The following PADI3 variants were observed in gnomAD, a reference collection of about 807,000 sequenced individuals.
PADI3 encodes protein-arginine deiminase type-3.
A neutral mutation model predicts 71.5 loss-of-function variants in PADI3; 53 were observed. The ratio of observed to expected loss-of-function variants is 0.74; its 90% CI spans 0.59 to 0.93. The LOEUF (loss-of-function observed/expected upper bound fraction) is 0.93. PADI3 is among the 40% of genes least tolerant of loss of function. PADI3 has a pLI of 0.00. For synonymous variants in PADI3, 361 were observed against 347.5 expected, an observed-to-expected ratio of 1.04 and a Z score of -0.43; for missense variants, 821 against 868.0, an observed-to-expected ratio of 0.95 and a Z score of 0.68.
chr1:17,255,949 T>G (rs1019972391), intron 1 of PADI3, among the ~76,000 whole-genome samples: 8 of 152,140 alleles, frequency 5.3e-5, no homozygotes, highest in African/African-American at 1.9e-4. Context: ...TTGCCACGGC[T>G]CCATCATGTT....
intron 14 of PADI3, 119 bp downstream of exon 14, chr1:17,280,548 C>A: frequency 6.6e-7 from 1 of 1,517,434 alleles, no homozygotes; most frequent in Non-Finnish European, 9.1e-7. Flanking sequence ...AGAACAGGCC[C>A]AGACAGAGGG....
At chr1:17,279,562 G>C (rs901125200) in intron 13 of PADI3, among the ~76,000 whole-genome samples, 3 of 152,144 alleles carry the variant, frequency 2.0e-5, no homozygotes, top group African/African-American at 7.2e-5. Context: ...TGCGAGCCCT[G>C]GGCTTGGGTT....
chr1:17,269,951 C>T (rs1195232280), intron 6 of PADI3, among the ~76,000 whole-genome samples: 3 of 152,070 alleles, frequency 2.0e-5, no homozygotes, highest in Admixed American at 6.6e-5. Context: ...AGATACCTAG[C>T]AGTGGAATTG....
At chr1:17,275,855 C>T (rs2073323196) in intron 11 of PADI3, among the ~76,000 whole-genome samples, 1 of 152,150 alleles carries the variant, frequency 6.6e-6, no homozygotes, top group South Asian at 2.1e-4. Context: ...TGGACCATGC[C>T]CTTAGATACA....
intron 1 of PADI3, among the ~76,000 whole-genome samples, chr1:17,249,444 A>G (rs528934774): frequency 2.0e-5 from 3 of 152,268 alleles, no homozygotes. Context: ...TGAGCCAGGT[A>G]GAAGAGGCTT....
At chr1:17,250,007 T>A (rs936739167) in intron 1 of PADI3, among the ~76,000 whole-genome samples, 1 of 152,258 alleles carries the variant, frequency 6.6e-6, no homozygotes, top group Non-Finnish European at 1.5e-5. Flanking sequence ...TGCCAGGTCA[T>A]GCCTTTGAGG....
intron 3 of PADI3, 74 bp from the exon 4 acceptor site, chr1:17,265,585 C>T (rs1289208677): frequency 1.7e-5 from 23 of 1,325,740 alleles, no homozygotes; most frequent in Non-Finnish European, 2.4e-5. Flanking sequence ...CAGCCCCAGA[C>T]AAGCCCTGAG....
In PADI3 at chr1:17,259,701, G is replaced by A. The variant is rs753546655; in HGVS notation, c.216G>A (p.Ala72=). 26 of 1,613,098 alleles carry A rather than the reference G, an allele frequency of 1.6e-5. No individual in the cohort carries two copies. Among genetic ancestry groups the A allele is most frequent in the Admixed American group, 6.7e-5 (4 of 59,946 alleles). Residue 72 remains alanine (A), a synonymous_variant, in exon 2 of 16, where the codon GCG becomes GCA. Transcript: ENST00000375460. ...ACACCAGGCGGTGGCGCTTTGACGC[G>A]ACTTTGGAGATCATCGTGGTCATGA... is the stretch of plus-strand genomic sequence containing the variant. ...RADTRRWRFD[A]TLEIIVVMNS...
intron 9 of PADI3, among the ~76,000 whole-genome samples, chr1:17,272,562 A>G (rs1328281061): frequency 6.6e-6 from 1 of 151,970 alleles, no homozygotes; most frequent in Non-Finnish European, 1.5e-5. Flanking sequence ...TTGGAGTGCC[A>G]TGGCATGATC....
At chr1:17,270,623 G>A (rs530306425) in intron 7 of PADI3, among the ~76,000 whole-genome samples, 1 of 152,088 alleles carries the variant, frequency 6.6e-6, no homozygotes, top group East Asian at 1.9e-4. Context: ...GCACTCCACA[G>A]CCTGGGCAAC....
chr1:17,281,736 A>G (rs1343542070), intron 15 of PADI3, among the ~76,000 whole-genome samples: 1 of 152,192 alleles, frequency 6.6e-6, no homozygotes, highest in Non-Finnish European at 1.5e-5. Flanking sequence ...TACAGGCGGA[A>G]GCCACCGTGC....
At chr1:17,264,106 C>T in intron 3 of PADI3, among the ~76,000 whole-genome samples, 1 of 152,202 alleles carries the variant, frequency 6.6e-6, no homozygotes, top group East Asian at 1.9e-4. Flanking sequence ...TACATGTCTG[C>T]CAACTGCATA....
chr1:17,267,048 C>A (rs1258741114), intron 5 of PADI3, among the ~76,000 whole-genome samples: 1 of 152,198 alleles, frequency 6.6e-6, no homozygotes, highest in Non-Finnish European at 1.5e-5. Flanking sequence ...CATGCCAGGG[C>A]AGAAGCTCTG....
At chr1:17,278,813 G>GA (rs1423749726) in intron 13 of PADI3, among the ~76,000 whole-genome samples, 6 of 151,972 alleles carry the variant, frequency 3.9e-5, no homozygotes, top group Non-Finnish European at 8.8e-5. Context: ...AGCTCAGAGA[G>GA]AAAAAAAGCT....
In PADI3 at chr1:17,254,878, G is replaced by A. The variant is rs892172821; in HGVS notation, c.93-4700G>A. ...ATTACAGGCATATGCCACCACGCCCGGCTAGTTTTGTATTTTTAGTGGAGA... is the reference window on the plus strand; with the variant it reads ...ATTACAGGCATATGCCACCACGCCCAGCTAGTTTTGTATTTTTAGTGGAGA... On this transcript the variant is annotated intron_variant, in intron 1 of 15. Transcript: ENST00000375460. 3.3e-5 allele frequency among the ~76,000 whole-genome samples: 5 copies of A among 152,216 alleles called. No individual in the cohort carries two copies. The South Asian group carries it at 6.2e-4, about 19-fold the overall frequency.
chr1:17,256,359 C>T (rs983195942), intron 1 of PADI3, among the ~76,000 whole-genome samples: 4 of 152,206 alleles, frequency 2.6e-5, no homozygotes, highest in East Asian at 1.9e-4. Flanking sequence ...CTCAGCTGGC[C>T]GATGTGTGAC....
intron 6 of PADI3, 76 bp from the exon 7 acceptor site, chr1:17,270,157 C>T: frequency 1.3e-6 from 2 of 1,500,712 alleles, no homozygotes; most frequent in South Asian, 1.3e-5. Context: ...AGGCTGCAGA[C>T]CTCTTCCTGT....
chr1:17,282,062 A>G (rs1422092496), intron 15 of PADI3, among the ~76,000 whole-genome samples: 1 of 152,058 alleles, frequency 6.6e-6, no homozygotes, highest in Non-Finnish European at 1.5e-5. Context: ...TCCTCTTTTC[A>G]GGCAACATTT....
intron 1 of PADI3, among the ~76,000 whole-genome samples, chr1:17,259,034 T>C (rs980286939): frequency 2.0e-5 from 3 of 152,220 alleles, no homozygotes; most frequent in Non-Finnish European, 4.4e-5. Flanking sequence ...GAAATGTTAA[T>C]GAACACAGGG....
Sources: allele counts gnomAD v4.1 joint callset (sites outside exome capture counted in the v4.1 genomes callset), GRCh38; gene constraint gnomAD v4.1.1; transcripts MANE v1.5; gene names NCBI Gene and HGNC (gene_info 2026-07-23, HGNC 2026-07-21).